The following PRKAR1B variants were observed in gnomAD, a reference collection of about 807,000 sequenced individuals.
PRKAR1B encodes protein kinase cAMP-dependent type I regulatory subunit beta.
Under a neutral mutation model 46.5 loss-of-function variants are expected in PRKAR1B, and 22 were observed. That is an observed-to-expected ratio of 0.47 (90% CI 0.34 to 0.68). The LOEUF is 0.68. PRKAR1B is among the 30% of genes least tolerant of loss of function. The pLI, the probability that PRKAR1B is intolerant of heterozygous loss-of-function variation, is 0.01. For missense variants in PRKAR1B, 445 were observed against 535.6 expected (o/e 0.83, Z 1.67); for synonymous variants, 259 against 217.7 (o/e 1.19, Z -1.67).
chr7:726,479 T>C, intron 1 of PRKAR1B: 1 of 366,846 alleles, frequency 2.7e-6, no homozygotes, highest in Admixed American at 4.7e-5. Flanking sequence ...AGCTGCACCC[T>C]CCCGAGACCT....
intron 4 of PRKAR1B, among the ~76,000 whole-genome samples, chr7:635,867 G>A (rs1784021885): frequency 6.6e-6 from 1 of 152,004 alleles, no homozygotes; most frequent in South Asian, 2.1e-4. Flanking sequence ...CCAGGCCTCA[G>A]TTTCCCCATC....
chr7:679,110 T>C (rs1778511207), intron 3 of PRKAR1B, among the ~76,000 whole-genome samples: 1 of 152,220 alleles, frequency 6.6e-6, no homozygotes, highest in Non-Finnish European at 1.5e-5. Flanking sequence ...TATAAATGTT[T>C]TGTTTTCAAA....
intron 4 of PRKAR1B, among the ~76,000 whole-genome samples, chr7:616,447 GGACCAGC>G (rs1184284298): frequency 2.0e-5 from 3 of 152,250 alleles, no homozygotes; most frequent in Admixed American, 6.5e-5. Context: ...GGGGACCAGG[GGACCAGC>G]TGGGAAACAG....
intron 4 of PRKAR1B, among the ~76,000 whole-genome samples, chr7:622,830 T>C (rs1274866700): frequency 6.6e-6 from 1 of 152,242 alleles, no homozygotes; most frequent in African/African-American, 2.4e-5. Context: ...TTCTGACTTC[T>C]TATGTTTTTC....
intron 9 of PRKAR1B, among the ~76,000 whole-genome samples, chr7:578,360 C>T (rs1779977309): frequency 6.6e-6 from 1 of 152,248 alleles, no homozygotes; most frequent in Non-Finnish European, 1.5e-5. Context: ...CACCTGTCGC[C>T]TGCCTGTGGT....
intron 9 of PRKAR1B, among the ~76,000 whole-genome samples, chr7:573,516 C>G (rs548148115): frequency 1.3e-5 from 2 of 152,272 alleles, no homozygotes; most frequent in South Asian, 4.1e-4. Context: ...CAGCACCCCT[C>G]CTGGGGACTC....
At chr7:662,868 C>T (rs1315997539) in intron 4 of PRKAR1B, among the ~76,000 whole-genome samples, 1 of 152,170 alleles carries the variant, frequency 6.6e-6, no homozygotes, top group Non-Finnish European at 1.5e-5. Context: ...GGCCCAGGCT[C>T]TCACCCTCGG....
chr7:665,290 C>T (rs1427993429), intron 4 of PRKAR1B, among the ~76,000 whole-genome samples: 1 of 152,210 alleles, frequency 6.6e-6, no homozygotes, highest in Admixed American at 6.5e-5. Flanking sequence ...CAAGCAGCCA[C>T]ATCCCAGCCA....
rs1783343978 is a variant in PRKAR1B, at chr7:625,598, TATGGACAAGGGGCATCACTACAGGTCCC to T, written c.441-18174_441-18147del. Among the ~76,000 whole-genome samples, 7 of 150,534 alleles carry T rather than the reference TATGGACAAGGGGCATCACTACAGGTCCC, an allele frequency of 4.7e-5. No homozygotes were observed. In the South Asian group the frequency reaches 1.1e-3, roughly 23 times the overall value. On this transcript the variant is annotated intron_variant, in intron 4 of 10. Transcript: ENST00000537384. ...GGACAAGGGGCACCGCTACAGGTCC[TATGGACAAGGGGCATCACTACAGGTCCC>T]ATGGACAAGGGGCATCACTACAGGT... is the stretch of plus-strand genomic sequence containing the variant.
At chr7:694,235 A>C (rs963205170) in intron 2 of PRKAR1B, among the ~76,000 whole-genome samples, 1 of 152,176 alleles carries the variant, frequency 6.6e-6, no homozygotes, top group Non-Finnish European at 1.5e-5. Flanking sequence ...CAGTGAGCTG[A>C]AATCGCACCA....
Position 692,156 on chromosome 7 carries a change from T to C in PRKAR1B, c.178-11430A>G, listed in dbSNP as rs569029684. Among the ~76,000 whole-genome samples, 3 of 152,308 alleles carry C rather than the reference T, an allele frequency of 2.0e-5. No individual in the cohort carries two copies. In the East Asian group the frequency reaches 5.8e-4, roughly 29 times the overall value. On this transcript the variant is annotated intron_variant, in intron 2 of 10. Transcript: ENST00000537384. The stretch of plus-strand genomic sequence containing the variant: ...GGCTCATGCCTGTCATCCCAGCACT[T>C]TGGGAGGCCAAGGCAGGCAGATCAC...
chr7:602,176 G>A lies in PRKAR1B; in HGVS notation c.549+4017C>T, dbSNP rs544506438. Among the ~76,000 whole-genome samples the A allele has an allele frequency of 2.6e-5, 4 of 152,292 alleles. No individual in the cohort carries two copies. The East Asian group carries it at 7.7e-4, about 29-fold the overall frequency. ...GCCAGGGCAGGGGCTGGGCTGGGAG[G>A]GGACCCAGTGAGCTCAGGGCTGGAG... On this transcript the variant is annotated intron_variant, in intron 6 of 10. Transcript: ENST00000537384. This position sits in a 1 kb window ranked among gnomAD's most constrained non-coding sequence, Gnocchi z 6.4.
chr7:611,894 A>T (rs1200679178), intron 4 of PRKAR1B, among the ~76,000 whole-genome samples: 1 of 141,902 alleles, frequency 7.0e-6, no homozygotes, highest in African/African-American at 2.7e-5. Context: ...TGGGTGGATG[A>T]ACAGGTGGGT....
intron 2 of PRKAR1B, among the ~76,000 whole-genome samples, chr7:683,308 A>C (rs1404179546): frequency 6.6e-6 from 1 of 152,156 alleles, no homozygotes. Flanking sequence ...TGACTTTCAA[A>C]AACCATCCCT....
chr7:565,481 C>T (rs1779071801), intron 9 of PRKAR1B: 1 of 152,256 alleles, frequency 6.6e-6, no homozygotes, highest in Non-Finnish European at 1.5e-5. Flanking sequence ...CGCACCAGCT[C>T]CTTGGACACT....
At chr7:596,992 G>A (rs924118209) in intron 6 of PRKAR1B, among the ~76,000 whole-genome samples, 5 of 152,258 alleles carry the variant, frequency 3.3e-5, no homozygotes, top group East Asian at 1.9e-4. Flanking sequence ...CTTTCAGCCC[G>A]GGTGGGCCGC....
intron 9 of PRKAR1B, among the ~76,000 whole-genome samples, chr7:571,834 G>A (rs1278066050): frequency 2.0e-5 from 3 of 152,202 alleles, no homozygotes; most frequent in East Asian, 1.9e-4. Flanking sequence ...CCACTTTCCC[G>A]TCCGCGGTGA....
intron 2 of PRKAR1B, among the ~76,000 whole-genome samples, chr7:710,195 G>A (rs1403341644): frequency 6.6e-6 from 1 of 152,188 alleles, no homozygotes; most frequent in Admixed American, 6.5e-5. Flanking sequence ...GTGGCTCACA[G>A]GCACTCAAAG....
At chr7:665,847 T>C (rs1265933794) in intron 4 of PRKAR1B, among the ~76,000 whole-genome samples, 1 of 151,996 alleles carries the variant, frequency 6.6e-6, no homozygotes, top group East Asian at 1.9e-4. Context: ...AGCCAGTTTG[T>C]GGAAAAACAG....
Sources: gnomAD v4.1 joint callset for allele counts (sites outside exome capture counted in the v4.1 genomes callset) on GRCh38, gnomAD v4.1.1 for gene constraint, Gnocchi (gnomAD v3.1) non-coding constraint, MANE v1.5 for transcripts, NCBI Gene and HGNC (gene_info 2026-07-23, HGNC 2026-07-21) for gene names.